BMPR2: variants seen among roughly 807,000 people sequenced by gnomAD.
BMPR2 encodes the protein bone morphogenetic protein receptor type 2.
In BMPR2, 29 loss-of-function variants were observed where a neutral mutation model predicts 100.8. That is an observed-to-expected ratio of 0.29 (90% CI 0.21 to 0.39). BMPR2 has a LOEUF of 0.39. Ranked by LOEUF, BMPR2 falls within the 10% of genes least tolerant of loss-of-function variation. BMPR2 has a pLI of 1.00. For missense variants in BMPR2, 1,011 were observed against 1,274.5 expected, an observed-to-expected ratio of 0.79 and a Z score of 3.15; for synonymous variants, 382 against 442.3, an observed-to-expected ratio of 0.86 and a Z score of 1.71.
chr2:202,453,552 G>T (rs1378435956), intron 1 of BMPR2, among the ~76,000 whole-genome samples: 1 of 152,160 alleles, frequency 6.6e-6, no homozygotes, highest in Non-Finnish European at 1.5e-5. Flanking sequence ...AATAAGCTAG[G>T]CACAGAAAGA....
intron 1 of BMPR2, among the ~76,000 whole-genome samples, chr2:202,386,720 G>A (rs1292722044): frequency 6.7e-6 from 1 of 150,220 alleles, no homozygotes; most frequent in Non-Finnish European, 1.5e-5. Context: ...TTGCTCTGTC[G>A]TCTAGGCTGG....
intron 1 of BMPR2, among the ~76,000 whole-genome samples, chr2:202,462,263 T>A (rs1424481080): frequency 6.7e-6 from 1 of 149,284 alleles, no homozygotes; most frequent in African/African-American, 2.5e-5. Context: ...GAAGTCTTGC[T>A]CTGTCGCCCA....
rs550364869 is a variant in BMPR2, at chr2:202,462,229, A to ATT, written c.77-2563_77-2562dup. ...AGTCCTGCCAAAATTAGGAACCACT[A>ATT]TTTTTTTTTTTTTTTTTTGAGATGA... is the stretch of plus-strand genomic sequence containing the variant. On this transcript the variant is annotated intron_variant, in intron 1 of 12. Coordinates refer to ENST00000374580, the MANE Select transcript of BMPR2 (RefSeq NM_001204.7). Among the ~76,000 whole-genome samples the ATT allele has an allele frequency of 3.5e-3, 479 of 135,186 alleles. 5 individuals carry two copies. The highest frequency in any genetic ancestry group is 0.022 in the East Asian group (104 of 4,648). 88.7% of individuals were successfully genotyped at this position (135,186 alleles called of 152,430 possible). A position where few individuals can be genotyped will look rare whatever the true frequency, so the allele number is the denominator to read the frequency against.
chr2:202,507,359 C>T (rs1252928799), intron 3 of BMPR2, among the ~76,000 whole-genome samples: 2 of 152,238 alleles, frequency 1.3e-5, no homozygotes, highest in Middle Eastern at 3.4e-3. Context: ...TTCTTTGCAT[C>T]TTTGTATACT....
At chr2:202,426,609 T>TGGTG (rs1466054107) in intron 1 of BMPR2, among the ~76,000 whole-genome samples, 1 of 147,162 alleles carries the variant, frequency 6.8e-6, no homozygotes, top group Non-Finnish European at 1.5e-5. Context: ...TGGCTGGGTG[T>TGGTG]GGTGGCTCAT....
At chr2:202,440,734 C>T (rs1691721101) in intron 1 of BMPR2, among the ~76,000 whole-genome samples, 1 of 150,172 alleles carries the variant, frequency 6.7e-6, no homozygotes, top group African/African-American at 2.5e-5. Context: ...TGCAGTGAGC[C>T]GAGATGGTGG....
chr2:202,377,620 C>T (rs1690178957), intron 1 of BMPR2, 70 bp downstream of exon 1: 3 of 1,558,506 alleles, frequency 1.9e-6, no homozygotes, highest in Admixed American at 1.7e-5. Context: ...CCCGCAGAGG[C>T]CGAGGCCTGT....
intron 1 of BMPR2, among the ~76,000 whole-genome samples, chr2:202,424,890 G>T (rs2105926889): frequency 6.6e-6 from 1 of 152,180 alleles, no homozygotes; most frequent in South Asian, 2.1e-4. Context: ...AGATAGATAT[G>T]TTAAAATAAC....
intron 3 of BMPR2, among the ~76,000 whole-genome samples, chr2:202,500,217 C>T (rs917227111): frequency 2.0e-5 from 3 of 152,222 alleles, no homozygotes; most frequent in Admixed American, 2.0e-4. Context: ...GTGTTACTCT[C>T]CTGTCCTGGA....
At chr2:202,530,544 G>C (rs781671462) in intron 7 of BMPR2, among the ~76,000 whole-genome samples, 1 of 152,024 alleles carries the variant, frequency 6.6e-6, no homozygotes, top group Non-Finnish European at 1.5e-5. Context: ...AAACAAGTGC[G>C]TGTTAGAATC....
At chr2:202,494,012 C>A (rs1400581549) in intron 3 of BMPR2, among the ~76,000 whole-genome samples, 1 of 152,168 alleles carries the variant, frequency 6.6e-6, no homozygotes, top group Non-Finnish European at 1.5e-5. Context: ...TGCCCCCTCT[C>A]AATTTTTTAG....
At chr2:202,462,228 T>A (rs1297148915) in intron 1 of BMPR2, among the ~76,000 whole-genome samples, 1 of 137,772 alleles carries the variant, frequency 7.3e-6, no homozygotes, top group Non-Finnish European at 1.6e-5. Flanking sequence ...TAGGAACCAC[T>A]ATTTTTTTTT....
chr2:202,488,633 G>C (rs908364952), intron 3 of BMPR2, among the ~76,000 whole-genome samples: 1 of 151,888 alleles, frequency 6.6e-6, no homozygotes, highest in Non-Finnish European at 1.5e-5. Flanking sequence ...GGGTCTTGCT[G>C]TGTTCCTCAG....
At chr2:202,441,717 CAA>C (rs33963123) in intron 1 of BMPR2, among the ~76,000 whole-genome samples, 4 of 43,986 alleles carry the variant, frequency 9.1e-5, no homozygotes, top group African/African-American at 1.1e-4. Flanking sequence ...GACTCCGTCT[CAA>C]AAAAAAAAAA....
At chr2:202,486,529 G>A (rs902000056) in intron 3 of BMPR2, among the ~76,000 whole-genome samples, 18 of 151,730 alleles carry the variant, frequency 1.2e-4, no homozygotes, top group Admixed American at 6.6e-4. Flanking sequence ...CTACTCAGGC[G>A]GCTACAGCAC....
chr2:202,381,838 A>G (rs1337887091), intron 1 of BMPR2, among the ~76,000 whole-genome samples: 1 of 152,068 alleles, frequency 6.6e-6, no homozygotes, highest in Admixed American at 6.6e-5. Flanking sequence ...GTGAGAGATA[A>G]CTGTTCACAC....
chr2:202,534,535 G>A lies in BMPR2; in HGVS notation c.1276+1803G>A, dbSNP rs565074015. Among the ~76,000 whole-genome samples the A allele has an allele frequency of 4.6e-5, 7 of 152,274 alleles. No individual in the cohort carries two copies. The South Asian group carries it at 1.5e-3, about 32-fold the overall frequency. Reference sequence around the variant, plus strand: ...CACCGCCCTTAATCCATTTAACCCTGAGTGGGACACAGCACATGTTTCAGA... The same window carrying A: ...CACCGCCCTTAATCCATTTAACCCTAAGTGGGACACAGCACATGTTTCAGA... On this transcript the variant is annotated intron_variant, in intron 9 of 12. Transcript: ENST00000374580.
At chr2:202,465,851 T>A (rs1692310084) in intron 2 of BMPR2, among the ~76,000 whole-genome samples, 1 of 150,606 alleles carries the variant, frequency 6.6e-6, no homozygotes, top group Admixed American at 6.6e-5. Flanking sequence ...AGACTCCGTC[T>A]CAAAAAAAAA....
Position 202,567,091 on chromosome 2 carries a change from G to A in BMPR2, c.*7145G>A, listed in dbSNP as rs991398036. 2.0e-5 allele frequency: 3 copies of A among 152,034 alleles called. No individual in the cohort carries two copies. Among genetic ancestry groups the A allele is most frequent in the Non-Finnish European group, 4.4e-5 (3 of 67,986 alleles). The allele number at this position is 152,034 out of a possible 1,614,324, so 9.4% of individuals were successfully genotyped here. On this transcript the variant is annotated 3_prime_UTR_variant, in exon 13 of 13. Coordinates refer to ENST00000374580, the MANE Select transcript of BMPR2 (RefSeq NM_001204.7). ...ATTTCATTTCCATAGAGATTATATT[G>A]TATCAGTGTTTATGTAAGCTGGAAT...
Sources: allele counts gnomAD v4.1 joint callset (sites outside exome capture counted in the v4.1 genomes callset), GRCh38; gene constraint gnomAD v4.1.1; transcripts MANE v1.5; gene names NCBI Gene and HGNC (gene_info 2026-07-23, HGNC 2026-07-21).